ZSCAN25: variants seen among roughly 807,000 people sequenced by gnomAD.
ZSCAN25 encodes the protein zinc finger and SCAN domain-containing protein 25.
In ZSCAN25, 27 loss-of-function variants were observed where a neutral mutation model predicts 38.7. That is an observed-to-expected ratio of 0.70 (90% CI 0.51 to 0.96). ZSCAN25 has a LOEUF of 0.96. ZSCAN25 is among the 40% of genes least tolerant of loss of function. ZSCAN25 has a pLI of 0.00. For synonymous variants in ZSCAN25, 273 were observed against 277.7 expected, an observed-to-expected ratio of 0.98 and a Z score of 0.17; for missense variants, 637 against 705.9, an observed-to-expected ratio of 0.90 and a Z score of 1.11.
At chr7:99,697,145 T>C in the ZSCAN25 span, among the ~76,000 whole-genome samples, 1 of 152,214 alleles carries the variant, frequency 6.6e-6, no homozygotes, top group Non-Finnish European at 1.5e-5. Flanking sequence ...TGCTCACTTT[T>C]TTCAAGGTGA....
the ZSCAN25 span, chr7:99,695,598 C>A: frequency 1.4e-6 from 1 of 691,672 alleles, no homozygotes; most frequent in Non-Finnish European, 2.4e-6. Context: ...CCGGGGTAAA[C>A]CTTGCCATGC....
At chr7:99,660,178 G>C in the ZSCAN25 span, 3 of 972,748 alleles carry the variant, frequency 3.1e-6, no homozygotes, top group Non-Finnish European at 3.7e-6. Context: ...CTGTAGACTG[G>C]AGCTGTTCCT....
In ZSCAN25 at chr7:99,631,843, G is replaced by A. The variant is rs1376116521; in HGVS notation, c.*1823G>A. 1.0e-5 allele frequency: 10 copies of A among 985,330 alleles called. No homozygotes were observed. The highest frequency in any genetic ancestry group is 1.1e-4 in the East Asian group (1 of 8,824). 61.0% of individuals were successfully genotyped at this position (985,330 alleles called of 1,614,324 possible). ...GTAAATGTATCTGAGATGTCCACAC[G>A]GGGCTGCTGCTGCTCCTCTGTAATA... is the stretch of plus-strand genomic sequence containing the variant. On this transcript the variant is annotated 3_prime_UTR_variant, in exon 8 of 8. Transcript: ENST00000394152.
the ZSCAN25 span, chr7:99,664,236 C>T: frequency 8.7e-6 from 7 of 803,748 alleles, no homozygotes; most frequent in Non-Finnish European, 1.4e-5. Flanking sequence ...TCATGTTTGC[C>T]CTTCTTTCAG....
Position 99,632,366 on chromosome 7 carries a change from G to T in ZSCAN25, c.*2346G>T. 3.4e-6 allele frequency: 2 copies of T among 585,686 alleles called. No individual in the cohort carries two copies. The highest frequency in any genetic ancestry group is 4.3e-6 in the Non-Finnish European group (2 of 465,304). The allele number at this position is 585,686 out of a possible 1,614,324, so 36.3% of individuals were successfully genotyped here. A position where few individuals can be genotyped will look rare whatever the true frequency, so the allele number is the denominator to read the frequency against. On this transcript the variant is annotated 3_prime_UTR_variant, in exon 8 of 8. Transcript: ENST00000394152. ...CAAACCTATATAAATAAATCCTTAT[G>T]TATTTATCATTTGACTTTATTATAA...
chr7:99,720,496 C>G, the ZSCAN25 span: 2 of 1,441,400 alleles, frequency 1.4e-6, no homozygotes, highest in Non-Finnish European at 1.9e-6. Context: ...GACTTTGATC[C>G]GGACATTACA....
chr7:99,668,953 A>T, the ZSCAN25 span, among the ~76,000 whole-genome samples: 1 of 152,216 alleles, frequency 6.6e-6, no homozygotes, highest in African/African-American at 2.4e-5. Flanking sequence ...TGTAGATGAT[A>T]GGTGTTTAAT....
the ZSCAN25 span, chr7:99,650,276 A>G: frequency 6.3e-7 from 1 of 1,585,042 alleles, no homozygotes; most frequent in Non-Finnish European, 8.6e-7. Context: ...AAACATAAAA[A>G]CCACAGAGTT....
At chr7:99,703,587 C>T in the ZSCAN25 span, among the ~76,000 whole-genome samples, 29 of 152,270 alleles carry the variant, frequency 1.9e-4, no homozygotes, top group Middle Eastern at 3.4e-3. Context: ...TGAATATACA[C>T]GAATACATCC....
the ZSCAN25 span, chr7:99,695,762 G>C: frequency 6.2e-7 from 1 of 1,613,576 alleles, no homozygotes. Flanking sequence ...GTAGGACAAA[G>C]TAGTTCCCAA....
At chr7:99,657,816 T>C in the ZSCAN25 span, among the ~76,000 whole-genome samples, 2 of 152,202 alleles carry the variant, frequency 1.3e-5, no homozygotes, top group Non-Finnish European at 2.9e-5. Context: ...CTTGTTGAAT[T>C]GATCCCTTTA....
chr7:99,621,915 GCTTTCTTT>G (rs544000828), intron 5 of ZSCAN25: 2 of 196,536 alleles, frequency 1.0e-5, no homozygotes, highest in East Asian at 1.2e-4. Flanking sequence ...GTAATATGTA[GCTTTCTTT>G]CTTTCTTTCT....
chr7:99,695,866 T>C, the ZSCAN25 span: 2 of 1,602,514 alleles, frequency 1.2e-6, no homozygotes, highest in Middle Eastern at 1.7e-4. Context: ...AAATCAGGTC[T>C]CAGGGATTGT....
the ZSCAN25 span, among the ~76,000 whole-genome samples, chr7:99,695,561 A>G: frequency 6.6e-6 from 1 of 152,182 alleles, no homozygotes; most frequent in Non-Finnish European, 1.5e-5. Context: ...GGCAAACCTG[A>G]GGTTCCTGAG....
the ZSCAN25 span, among the ~76,000 whole-genome samples, chr7:99,650,570 A>G: frequency 6.6e-6 from 1 of 152,242 alleles, no homozygotes; most frequent in Non-Finnish European, 1.5e-5. Flanking sequence ...GATGGATGGA[A>G]AAGTGGATTC....
chr7:99,706,616 G>A, the ZSCAN25 span, among the ~76,000 whole-genome samples: 1 of 152,226 alleles, frequency 6.6e-6, no homozygotes, highest in Non-Finnish European at 1.5e-5. Flanking sequence ...TCAGAGAAAA[G>A]GTTCCAAATC....
chr7:99,629,594 C>A lies in ZSCAN25; in HGVS notation c.1209C>A (p.Tyr403Ter). Residue 403 changes from tyrosine (Y) to a stop codon, truncating the protein, a stop_gained, in exon 8 of 8, where the codon TAC becomes TAA. Coordinates refer to ENST00000394152, the MANE Select transcript of ZSCAN25 (RefSeq NM_145115.3). LOFTEE classifies it high-confidence loss of function. This position sits in a 1 kb window ranked among gnomAD's most constrained non-coding sequence, Gnocchi z 5.6. ...HQRTHLGKRP[Y>*]VCSECWKTFS... ...GAACCCACCTGGGAAAGAGGCCCTA[C>A]GTGTGCAGCGAGTGCTGGAAAACCT... The A allele has an allele frequency of 6.2e-7, 1 of 1,614,168 alleles. No individual in the cohort carries two copies. The highest frequency in any genetic ancestry group is 1.1e-5 in the South Asian group (1 of 91,084).
chr7:99,642,146 C>A, the ZSCAN25 span, among the ~76,000 whole-genome samples: 2 of 152,178 alleles, frequency 1.3e-5, no homozygotes, highest in Non-Finnish European at 2.9e-5. Flanking sequence ...TTTTGAGAGA[C>A]CTTCTCTAAC....
chr7:99,672,626 C>T, the ZSCAN25 span: 2 of 1,614,120 alleles, frequency 1.2e-6, no homozygotes, highest in Non-Finnish European at 1.7e-6. Flanking sequence ...TAGCACTGTT[C>T]TGATCACGTC....
Sources: allele counts gnomAD v4.1 joint callset (sites outside exome capture counted in the v4.1 genomes callset), GRCh38; gene constraint gnomAD v4.1.1; non-coding constraint Gnocchi (gnomAD v3.1); transcripts MANE v1.5; gene names NCBI Gene and HGNC (gene_info 2026-07-23, HGNC 2026-07-21).